Variants in ROCK2 observed in about 807,000 individuals in gnomAD.
The protein encoded by ROCK2 is rho-associated protein kinase 2.
A neutral mutation model predicts 195.1 loss-of-function variants in ROCK2; 61 were observed. The ratio of observed to expected loss-of-function variants is 0.31; its 90% CI spans 0.25 to 0.39. ROCK2 has a LOEUF of 0.39. ROCK2 is among the 10% of genes least tolerant of loss of function. The probability of loss-of-function intolerance (pLI) is 1.00; values close to 1 mark genes in which losing one functional copy is unlikely to be tolerated. For synonymous variants in ROCK2, 504 were observed against 545.5 expected (o/e 0.92, Z 1.06); for missense variants, 1,109 against 1,637.4 (o/e 0.68, Z 5.57).
At position 11,182,145 on chromosome 2, in the gene ROCK2, A is replaced by C. The variant is rs1169546134; in HGVS notation, c.*1292T>G. The C allele has an allele frequency of 6.6e-6, 1 of 152,204 alleles. No individual in the cohort carries two copies. Among genetic ancestry groups the C allele is most frequent in the Non-Finnish European group, 1.5e-5 (1 of 68,028 alleles). The allele number at this position is 152,204 out of a possible 1,614,324, so 9.4% of individuals were successfully genotyped here. ...TAAACTGTAACTTTGACAGCATTTA[A>C]AAAATAAAAATCAAATTAAGTGCCT... On this transcript the variant is annotated 3_prime_UTR_variant, in exon 33 of 33. Coordinates refer to ENST00000315872, the MANE Select transcript of ROCK2 (RefSeq NM_004850.5).
In ROCK2 at chr2:11,197,148, G is replaced by GATAA. The variant is rs1663670742; in HGVS notation, c.3448+28_3448+31dup. The GATAA allele has an allele frequency of 2.0e-6, 3 of 1,476,420 alleles. No individual in the cohort carries two copies. The African/African-American group carries it at 4.3e-5, about 21-fold the overall frequency. 91.5% of individuals were successfully genotyped at this position (1,476,420 alleles called of 1,614,324 possible). A position where few individuals can be genotyped will look rare whatever the true frequency, so the allele number is the denominator to read the frequency against. Reference sequence around the variant, plus strand: ...AAACAATCAACTGATTTATATTTAAGATAAATATTAGTGCTGAAAACAAAT... The same window carrying GATAA: ...AAACAATCAACTGATTTATATTTAAGATAAATAAATATTAGTGCTGAAAACAAAT... On this transcript the variant is annotated intron_variant, in intron 27 of 32. Coordinates refer to ENST00000315872, the MANE Select transcript of ROCK2 (RefSeq NM_004850.5). This position sits in a 1 kb window ranked among gnomAD's most constrained non-coding sequence, Gnocchi z 4.9.
intron 21 of ROCK2, 25 bp downstream of exon 21, chr2:11,202,027 G>A (rs1337633423): frequency 1.9e-6 from 3 of 1,583,284 alleles, no homozygotes; most frequent in Admixed American, 3.3e-5. Context: ...TTTGCTATTT[G>A]CAAATTAATG....
intron 1 of ROCK2, among the ~76,000 whole-genome samples, chr2:11,333,099 T>G (rs1440378269): frequency 6.6e-6 from 1 of 152,138 alleles, no homozygotes; most frequent in East Asian, 1.9e-4. Flanking sequence ...ATTTGTAAAT[T>G]TACTAAAAAT....
chr2:11,305,560 T>C (rs987686752), intron 1 of ROCK2, among the ~76,000 whole-genome samples: 2 of 152,066 alleles, frequency 1.3e-5, no homozygotes, highest in Non-Finnish European at 2.9e-5. Flanking sequence ...AATGAGCTCA[T>C]CTAGCACTCA....
At chr2:11,330,853 AG>A (rs1668716760) in intron 1 of ROCK2, among the ~76,000 whole-genome samples, 1 of 7,910 alleles carries the variant, frequency 1.3e-4, no homozygotes, top group African/African-American at 3.4e-4. Flanking sequence ...GAGGAGGGGG[AG>A]GAAGAGGGAG....
chr2:11,197,415 C>A lies in ROCK2; in HGVS notation c.3280-67G>T. 1.3e-6 allele frequency: 2 copies of A among 1,538,120 alleles called. No homozygotes were observed. Among genetic ancestry groups the A allele is most frequent in the South Asian group, 1.2e-5 (1 of 83,702 alleles). On this transcript the variant is annotated intron_variant, in intron 26 of 32. Transcript: ENST00000315872. The surrounding 1 kb of genome is among the most constrained non-coding windows in gnomAD (Gnocchi z 4.9). Reference sequence around the variant, plus strand: ...TAACTCAACATTTTGCTTCTTGGTTCAATAATAATTATTAAATAGAAATGG... The same window carrying A: ...TAACTCAACATTTTGCTTCTTGGTTAAATAATAATTATTAAATAGAAATGG...
intron 1 of ROCK2, among the ~76,000 whole-genome samples, chr2:11,333,273 C>G (rs1161517728): frequency 6.6e-6 from 1 of 152,126 alleles, no homozygotes; most frequent in Non-Finnish European, 1.5e-5. Flanking sequence ...TATTTCAGAG[C>G]TGATTCTAAG....
Position 11,215,526 on chromosome 2 carries a change from T to G in ROCK2, c.1581A>C (p.Arg527=). The part of the protein sequence containing the change: ...RKADHEADKK[R]NLENDVNSLK... ...ACCACAAACCATCATTTTCCAAATT[T>G]CGTTTTTTGTCTGCTTCATGATCAG... The change falls in exon 14 of 33, where the codon CGA becomes CGC. Residue 527 remains arginine, a synonymous_variant. Transcript: ENST00000315872. The G allele has an allele frequency of 6.2e-7, 1 of 1,611,324 alleles. No individual in the cohort carries two copies. The highest frequency in any genetic ancestry group is 8.5e-7 in the Non-Finnish European group (1 of 1,179,336).
At chr2:11,212,800 A>T (rs1444496685) in intron 17 of ROCK2, among the ~76,000 whole-genome samples, 1 of 152,058 alleles carries the variant, frequency 6.6e-6, no homozygotes, top group Non-Finnish European at 1.5e-5. Context: ...CTTTTCCCAG[A>T]TGGGCTATTC....
intron 28 of ROCK2, 60 bp from the exon 29 acceptor site, chr2:11,194,404 ATT>A (rs1663546939): frequency 8.2e-6 from 5 of 608,238 alleles, no homozygotes; most frequent in East Asian, 6.3e-5. Context: ...TTATTTATTG[ATT>A]TTTTTGAAAA....
intron 1 of ROCK2, among the ~76,000 whole-genome samples, chr2:11,321,314 T>C (rs1270198891): frequency 1.3e-5 from 2 of 151,976 alleles, no homozygotes; most frequent in Non-Finnish European, 2.9e-5. Context: ...TAGCTGGAAC[T>C]ACAGGTGCAC....
chr2:11,302,446 T>TA (rs778194783), intron 1 of ROCK2, among the ~76,000 whole-genome samples: 2 of 152,286 alleles, frequency 1.3e-5, no homozygotes, highest in African/African-American at 2.4e-5. Flanking sequence ...TAGCTGGGAT[T>TA]ACAGGCACCC....
chr2:11,205,649 C>T (rs545211504), intron 20 of ROCK2, among the ~76,000 whole-genome samples: 2 of 151,270 alleles, frequency 1.3e-5, no homozygotes, highest in African/African-American at 4.9e-5. Context: ...CTTATCTTCC[C>T]CACTGAATAA....
intron 5 of ROCK2, among the ~76,000 whole-genome samples, chr2:11,228,678 A>T (rs956241496): frequency 2.0e-5 from 3 of 152,120 alleles, no homozygotes; most frequent in Non-Finnish European, 4.4e-5. Flanking sequence ...GGTTAAAGAA[A>T]ATTTCCTTAT....
intron 1 of ROCK2, among the ~76,000 whole-genome samples, chr2:11,297,795 G>C (rs1463247393): frequency 6.6e-6 from 1 of 152,078 alleles, no homozygotes; most frequent in East Asian, 1.9e-4. Flanking sequence ...AGAGCTCTCT[G>C]AGTACCTTTA....
chr2:11,287,681 T>C lies in ROCK2; in HGVS notation c.197A>G (p.Lys66Arg). ...TCTATTTAAGAAATTATCTATGTTC[T>C]TGTTTTTCCTCAAAGCAGGAAAATC... ...DLDFPALRKNKNIDNFLNRYE... is the reference protein window; with the variant it reads ...DLDFPALRKNRNIDNFLNRYE... The change falls in exon 2 of 33, where the codon AAG becomes AGG. Residue 66 changes from lysine to arginine, a missense_variant. Physicochemically the swap from Lys to Arg is conservative, Grantham distance 26. Around this residue, in one of 6 missense-constraint regions of ROCK2, gnomAD observed 253 missense variants for 455.5 expected, o/e 0.56. Coordinates refer to ENST00000315872, the MANE Select transcript of ROCK2 (RefSeq NM_004850.5). 1 of 1,282,918 alleles carries C rather than the reference T, an allele frequency of 7.8e-7. No homozygotes were observed. The highest frequency in any genetic ancestry group is 1.0e-6 in the Non-Finnish European group (1 of 953,122). 79.5% of individuals were successfully genotyped at this position (1,282,918 alleles called of 1,614,324 possible).
intron 1 of ROCK2, among the ~76,000 whole-genome samples, chr2:11,335,218 G>A (rs1400951211): frequency 6.6e-6 from 1 of 151,688 alleles, no homozygotes; most frequent in Non-Finnish European, 1.5e-5. Flanking sequence ...AATGCTTTTT[G>A]AAAAGATATG....
At chr2:11,326,133 C>T (rs1668543242) in intron 1 of ROCK2, among the ~76,000 whole-genome samples, 1 of 151,958 alleles carries the variant, frequency 6.6e-6, no homozygotes, top group Non-Finnish European at 1.5e-5. Flanking sequence ...GAGCCAGAAG[C>T]TCAAATGCAA....
chr2:11,206,476 A>T (rs1381353691), intron 20 of ROCK2, among the ~76,000 whole-genome samples: 2 of 152,214 alleles, frequency 1.3e-5, no homozygotes, highest in Non-Finnish European at 2.9e-5. Context: ...CCCACAAAAA[A>T]CACAAAGACA....
Sources: gnomAD v4.1 joint callset for allele counts (sites outside exome capture counted in the v4.1 genomes callset) on GRCh38, gnomAD v4.1.1 for gene constraint, gnomAD v4.1.1 regional missense constraint, Gnocchi (gnomAD v3.1) non-coding constraint, MANE v1.5 for transcripts, NCBI Gene and HGNC (gene_info 2026-07-23, HGNC 2026-07-21) for gene names.